TRAF3IP2: variants seen among roughly 807,000 people sequenced by gnomAD.
The protein encoded by TRAF3IP2 is E3 ubiquitin ligase TRAF3IP2.
In TRAF3IP2, 35 loss-of-function variants were observed where a neutral mutation model predicts 57.9. That is an observed-to-expected ratio of 0.60 (90% CI 0.46 to 0.80). The LOEUF is 0.80. TRAF3IP2 is among the 30% of genes least tolerant of loss of function. The pLI is 0.00. For missense variants in TRAF3IP2, 556 were observed against 706.4 expected, an observed-to-expected ratio of 0.79 and a Z score of 2.41; for synonymous variants, 251 against 268.9, an observed-to-expected ratio of 0.93 and a Z score of 0.65.
intron 1 of TRAF3IP2, among the ~76,000 whole-genome samples, chr6:111,605,289 A>C (rs1180067782): frequency 1.2e-4 from 18 of 152,234 alleles, no homozygotes; most frequent in Admixed American, 1.2e-3. Flanking sequence ...GCTCAGCAGA[A>C]CTTCCTGGCC....
intron 7 of TRAF3IP2, among the ~76,000 whole-genome samples, chr6:111,564,222 C>T (rs1215567355): frequency 6.6e-6 from 1 of 151,990 alleles, no homozygotes; most frequent in African/African-American, 2.4e-5. Context: ...GGTGTTTTTT[C>T]GGAACCACCT....
Position 111,580,318 on chromosome 6 carries a change from C to G in TRAF3IP2, c.901G>C (p.Gly301Arg). ...GGGTGCAGGCCTCTCACACTGGCTC[C>G]AGGCAGGGGCTGCCCAGGCAGAGCC... ...QPALPGQPLP[G>R]ASVRGLHPVQ... The change falls in exon 3 of 9, where the codon GGA becomes CGA. Residue 301 changes from glycine (G) to arginine (R), a missense_variant. Coordinates refer to ENST00000368761, the MANE Select transcript of TRAF3IP2 (RefSeq NM_147686.4). 2 of 1,607,248 alleles carry G rather than the reference C, an allele frequency of 1.2e-6. No homozygotes were observed. The highest frequency in any genetic ancestry group is 2.7e-5 in the African/African-American group (2 of 74,608).
chr6:111,575,573 G>C (rs1410491748), intron 4 of TRAF3IP2, 70 bp downstream of exon 4: 3 of 1,499,486 alleles, frequency 2.0e-6, no homozygotes, highest in African/African-American at 1.6e-5. Flanking sequence ...GGGCAACAGA[G>C]CGAGACTCCG....
At chr6:111,573,731 G>A (rs1308036935) in intron 4 of TRAF3IP2, 2 of 152,326 alleles carry the variant, frequency 1.3e-5, no homozygotes, top group East Asian at 3.9e-4. Context: ...GTTTTCTCAG[G>A]CTAAAGTCTT....
intron 3 of TRAF3IP2, among the ~76,000 whole-genome samples, 197 bp downstream of exon 3, chr6:111,580,000 A>G (rs1796105705): frequency 6.6e-6 from 1 of 152,222 alleles, no homozygotes; most frequent in African/African-American, 2.4e-5. Flanking sequence ...GTGGCTTTCT[A>G]TGTCTGATAA....
At chr6:111,595,848 G>T (rs1019720264) in intron 1 of TRAF3IP2, among the ~76,000 whole-genome samples, 8 of 151,334 alleles carry the variant, frequency 5.3e-5, no homozygotes, top group African/African-American at 1.7e-4. Flanking sequence ...AAAAAAAGGA[G>T]GTATGCAGTG....
Position 111,592,033 on chromosome 6 carries a change from C to A in TRAF3IP2, c.54G>T (p.Gln18His), listed in dbSNP as rs901070290. Residue 18 changes from glutamine to histidine, a missense_variant, in exon 2 of 9, where the codon CAG (glutamine) becomes CAT (histidine). Transcript: ENST00000368761. ...AATATTCTGGGATTGGTTTCAGCAACTGACTTGGGTATGGTTCTGATTCAT... is the reference window on the plus strand; with the variant it reads ...AATATTCTGGGATTGGTTTCAGCAAATGACTTGGGTATGGTTCTGATTCAT... ...EVDESEPYPS[Q>H]LLKPIPEYSP... 5 of 1,614,106 alleles carry A rather than the reference C, an allele frequency of 3.1e-6. No individual in the cohort carries two copies. The highest frequency in any genetic ancestry group is 4.2e-6 in the Non-Finnish European group (5 of 1,180,036).
chr6:111,595,692 ATGG>A (rs1796662104), intron 1 of TRAF3IP2, among the ~76,000 whole-genome samples: 2 of 151,872 alleles, frequency 1.3e-5, no homozygotes, highest in South Asian at 4.2e-4. Context: ...GCCGGGCATG[ATGG>A]CAGGCACCTG....
At chr6:111,598,598 C>G (rs938341842) in intron 1 of TRAF3IP2, among the ~76,000 whole-genome samples, 1 of 152,110 alleles carries the variant, frequency 6.6e-6, no homozygotes, top group Non-Finnish European at 1.5e-5. Flanking sequence ...GGTATGCCAT[C>G]ATTTGTATGA....
At chr6:111,595,096 G>A (rs1796641053) in intron 1 of TRAF3IP2, among the ~76,000 whole-genome samples, 2 of 152,122 alleles carry the variant, frequency 1.3e-5, no homozygotes, top group South Asian at 2.1e-4. Context: ...GCTGGGTATG[G>A]TGGCAGGCAC....
chr6:111,568,657 C>A (rs1795734010), intron 5 of TRAF3IP2, among the ~76,000 whole-genome samples: 1 of 152,178 alleles, frequency 6.6e-6, no homozygotes, highest in Admixed American at 6.5e-5. Flanking sequence ...ATGGCTCATG[C>A]CTATAATCCC....
At chr6:111,595,547 A>G (rs2128384118) in intron 1 of TRAF3IP2, among the ~76,000 whole-genome samples, 1 of 152,220 alleles carries the variant, frequency 6.6e-6, no homozygotes, top group South Asian at 2.1e-4. Flanking sequence ...AAGGGTATGC[A>G]TGCCGGGCGC....
chr6:111,566,632 G>A (rs1033725363), intron 6 of TRAF3IP2, 72 bp from the exon 7 acceptor site: 21 of 1,292,460 alleles, frequency 1.6e-5, no homozygotes, highest in Admixed American at 5.0e-5. Context: ...TCTGACACAC[G>A]GGGTGGAGGG....
chr6:111,556,213 CGTGT>C lies in TRAF3IP2; in HGVS notation c.*3188_*3191del, dbSNP rs146668280. Among the ~76,000 whole-genome samples the C allele has an allele frequency of 1.5e-3, 221 of 149,642 alleles. No homozygotes were observed. The highest frequency in any genetic ancestry group is 3.5e-3 in the Admixed American group (53 of 15,040). On this transcript the variant is annotated 3_prime_UTR_variant, in exon 9 of 9. Transcript: ENST00000368761. ...AAGTGCGTGTGTGTGTGTATGTGTG[CGTGT>C]GTGTGTGTGTGTCTGTGTGTACTTT...
intron 8 of TRAF3IP2, 77 bp downstream of exon 8, chr6:111,562,888 G>C: frequency 9.1e-7 from 1 of 1,095,146 alleles, no homozygotes; most frequent in Non-Finnish European, 1.3e-6. Context: ...AATGGACAAG[G>C]TTTTCCATTT....
At chr6:111,600,963 C>T in intron 1 of TRAF3IP2, 1 of 398,326 alleles carries the variant, frequency 2.5e-6, no homozygotes, top group South Asian at 6.0e-5. Flanking sequence ...ATTTTACAGA[C>T]AGGAAAAGCA....
At chr6:111,566,318 A>C in intron 7 of TRAF3IP2, 126 bp downstream of exon 7, 1 of 770,386 alleles carries the variant, frequency 1.3e-6, no homozygotes, top group Non-Finnish European at 2.2e-6. Flanking sequence ...CTGACATGGC[A>C]AGCCTGGAGC....
chr6:111,571,608 AAAG>A (rs1795834175), intron 5 of TRAF3IP2, among the ~76,000 whole-genome samples: 1 of 152,216 alleles, frequency 6.6e-6, no homozygotes, highest in Non-Finnish European at 1.5e-5. Flanking sequence ...ATTTTTTAAA[AAAG>A]AACTTTCATT....
chr6:111,575,293 C>T (rs1795944997), intron 4 of TRAF3IP2, among the ~76,000 whole-genome samples: 10 of 151,400 alleles, frequency 6.6e-5, no homozygotes, highest in Admixed American at 4.6e-4. Flanking sequence ...TAAGACCTCA[C>T]AAGAAGAAGG....
Sources: gnomAD v4.1 joint callset for allele counts (sites outside exome capture counted in the v4.1 genomes callset) on GRCh38, gnomAD v4.1.1 for gene constraint, MANE v1.5 for transcripts, NCBI Gene and HGNC (gene_info 2026-07-23, HGNC 2026-07-21) for gene names.